PRMT9: variants seen among roughly 807,000 people sequenced by gnomAD.
PRMT9 encodes protein arginine methyltransferase 9, also known as protein arginine N-methyltransferase 9.
In PRMT9, 59 loss-of-function variants were observed where a neutral mutation model predicts 83.2. The observed-to-expected ratio is 0.71, with a 90% CI of 0.57 to 0.88. The LOEUF (loss-of-function observed/expected upper bound fraction) is 0.88. Ranked by LOEUF, PRMT9 falls within the 40% of genes least tolerant of loss-of-function variation. PRMT9 has a pLI of 0.00. For missense variants in PRMT9, 947 were observed against 1,021.9 expected (o/e 0.93, Z 1.00); for synonymous variants, 333 against 353.2 (o/e 0.94, Z 0.64).
chr4:147,671,451 G>T (rs941971925), intron 4 of PRMT9, among the ~76,000 whole-genome samples: 21 of 152,120 alleles, frequency 1.4e-4, no homozygotes, highest in African/African-American at 4.3e-4. Context: ...TCCCTTCTCT[G>T]AACTCCTTCA....
At position 147,653,954 on chromosome 4, in the gene PRMT9, T is replaced by G. The variant is rs1734298425; in HGVS notation, c.1943A>C (p.Gln648Pro). The part of the protein sequence containing the change: ...RHVEDESAML[Q>P]RPKSDKLWSI... ...CCATAACTTGTCTGATTTTGGCCTTTGTAACATAGCAGATTCATCCTCCAC... is the reference window on the plus strand; with the variant it reads ...CCATAACTTGTCTGATTTTGGCCTTGGTAACATAGCAGATTCATCCTCCAC... The change falls in exon 9 of 12, where the codon CAA becomes CCA. Residue 648 changes from glutamine to proline, a missense_variant. Transcript: ENST00000322396. 6.2e-7 allele frequency: 1 copy of G among 1,614,248 alleles called. No individual in the cohort carries two copies. Among genetic ancestry groups the G allele is most frequent in the Non-Finnish European group, 8.5e-7 (1 of 1,180,038 alleles).
intron 1 of PRMT9, among the ~76,000 whole-genome samples, chr4:147,681,924 C>G (rs985078251): frequency 9.9e-5 from 15 of 152,168 alleles, no homozygotes; most frequent in Admixed American, 9.8e-4. Flanking sequence ...TACAAACAAA[C>G]ACAGACTTTG....
At chr4:147,639,363 T>C (rs1253563811) in intron 10 of PRMT9, 1 of 364,496 alleles carries the variant, frequency 2.7e-6, no homozygotes, top group African/African-American at 2.1e-5. Context: ...AGATCTTTCA[T>C]TTGGATGAGA....
intron 4 of PRMT9, 33 bp downstream of exon 4, chr4:147,672,926 T>C (rs1305471064): frequency 1.3e-6 from 2 of 1,575,444 alleles, no homozygotes; most frequent in East Asian, 4.5e-5. Context: ...AATAGAGAAG[T>C]ATAAACACTA....
At chr4:147,668,683 T>TTTACATAC in intron 5 of PRMT9, 38 bp from the exon 6 acceptor site, 2 of 1,178,280 alleles carry the variant, frequency 1.7e-6, no homozygotes, top group East Asian at 2.3e-5. Flanking sequence ...TTATCACATG[T>TTTACATAC]ATGTAAAAAT....
intron 9 of PRMT9, among the ~76,000 whole-genome samples, chr4:147,644,685 A>C (rs1733622497): frequency 6.6e-6 from 1 of 152,122 alleles, no homozygotes; most frequent in South Asian, 2.1e-4. Flanking sequence ...TCATATTGCT[A>C]GGCCGTGGAA....
In PRMT9 at chr4:147,654,520, A is replaced by G; in HGVS notation, c.1377T>C (p.Cys459=). ...PGDHVMMEVS[C]QDCYLRIQSI... ...TCTGGATTCTTAAGTAACAGTCTTGACAAGATACTTCCATCATCACATGGT... is the reference window on the plus strand; with the variant it reads ...TCTGGATTCTTAAGTAACAGTCTTGGCAAGATACTTCCATCATCACATGGT... Residue 459 remains cysteine, a synonymous_variant, in exon 9 of 12, where the codon TGT becomes TGC. Coordinates refer to ENST00000322396, the MANE Select transcript of PRMT9 (RefSeq NM_138364.4). The G allele has an allele frequency of 6.2e-7, 1 of 1,613,872 alleles. No individual in the cohort carries two copies. The highest frequency in any genetic ancestry group is 8.5e-7 in the Non-Finnish European group (1 of 1,179,920).
chr4:147,678,497 T>A (rs553662877), intron 2 of PRMT9, among the ~76,000 whole-genome samples: 7 of 152,204 alleles, frequency 4.6e-5, no homozygotes, highest in Non-Finnish European at 1.0e-4. Flanking sequence ...AGAGTTAACA[T>A]AGCAGGCCTG....
chr4:147,664,815 A>T (rs772931511), intron 6 of PRMT9, among the ~76,000 whole-genome samples: 1 of 152,002 alleles, frequency 6.6e-6, no homozygotes, highest in South Asian at 2.1e-4. Context: ...AAATTAAATT[A>T]AATTTTTTAA....
chr4:147,653,429 C>T (rs986817685), intron 9 of PRMT9, among the ~76,000 whole-genome samples: 1 of 138,190 alleles, frequency 7.2e-6, no homozygotes, highest in Admixed American at 7.0e-5. Context: ...GCAGCAAGAG[C>T]GAAACTCCGT....
At chr4:147,672,225 A>C (rs1212747441) in intron 4 of PRMT9, among the ~76,000 whole-genome samples, 4 of 152,262 alleles carry the variant, frequency 2.6e-5, no homozygotes, top group Admixed American at 2.6e-4. Context: ...GATAAATACT[A>C]TTATATGTAT....
intron 2 of PRMT9, among the ~76,000 whole-genome samples, chr4:147,674,312 T>C (rs1220334275): frequency 2.6e-5 from 4 of 152,184 alleles, no homozygotes; most frequent in African/African-American, 9.7e-5. Flanking sequence ...TTTATGTCAG[T>C]TGTACTTGTT....
chr4:147,671,347 G>A (rs1270171347), intron 4 of PRMT9, among the ~76,000 whole-genome samples: 1 of 152,062 alleles, frequency 6.6e-6, no homozygotes, highest in Non-Finnish European at 1.5e-5. Flanking sequence ...CCCACTGCCT[G>A]AGTCTTAGAA....
Position 147,654,185 on chromosome 4 carries a change from T to C in PRMT9, c.1712A>G (p.Gln571Arg), listed in dbSNP as rs1308885592. 2 of 1,614,130 alleles carry C rather than the reference T, an allele frequency of 1.2e-6. No individual in the cohort carries two copies. The highest frequency in any genetic ancestry group is 2.2e-5 in the South Asian group (2 of 91,096). ...CQNEMSSGTG[Q>R]SNTVQNILEP... ...AAGGATGTTCTGTACAGTATTACTCTGTCCAGTTCCAGAGCTCATCTCATT... is the reference window on the plus strand; with the variant it reads ...AAGGATGTTCTGTACAGTATTACTCCGTCCAGTTCCAGAGCTCATCTCATT... The change falls in exon 9 of 12, where the codon CAG becomes CGG. Residue 571 changes from glutamine to arginine, a missense_variant. Coordinates refer to ENST00000322396, the MANE Select transcript of PRMT9 (RefSeq NM_138364.4).
intron 5 of PRMT9, among the ~76,000 whole-genome samples, chr4:147,670,248 C>T (rs1241334429): frequency 1.3e-5 from 2 of 152,224 alleles, no homozygotes; most frequent in African/African-American, 4.8e-5. Flanking sequence ...GGCGTGACCT[C>T]AACTCACTGC....
Position 147,654,302 on chromosome 4 carries a change from G to T in PRMT9, c.1595C>A (p.Pro532Gln). Residue 532 changes from proline to glutamine, a missense_variant, in exon 9 of 12, where the codon CCA (proline) becomes CAA (glutamine). By Grantham distance (76) the Pro-to-Gln change is moderately conservative. Transcript: ENST00000322396. ...STEIALLNNI[P>Q]YHEGFKMAMS... Reference sequence around the variant, plus strand: ...TGCCATTTTAAAGCCTTCATGATATGGGATGTTGTTAAGCAAAGCAATTTC... The same window carrying T: ...TGCCATTTTAAAGCCTTCATGATATTGGATGTTGTTAAGCAAAGCAATTTC... 6.2e-7 allele frequency: 1 copy of T among 1,614,092 alleles called. No individual in the cohort carries two copies. Among genetic ancestry groups the T allele is most frequent in the Non-Finnish European group, 8.5e-7 (1 of 1,180,004 alleles).
At position 147,638,504 on chromosome 4, in the gene PRMT9, T is replaced by G; in HGVS notation, c.*28A>C. The stretch of plus-strand genomic sequence containing the variant: ...ATTTTGTACTTGTTGATGCTCTATT[T>G]ACACAGTTTTCATTGGAAAACTGCT... On this transcript the variant is annotated 3_prime_UTR_variant, in exon 12 of 12. Coordinates refer to ENST00000322396, the MANE Select transcript of PRMT9 (RefSeq NM_138364.4). 1.9e-6 allele frequency: 3 copies of G among 1,565,116 alleles called. No individual in the cohort carries two copies. Among genetic ancestry groups the G allele is most frequent in the South Asian group, 1.1e-5 (1 of 90,060 alleles).
At chr4:147,639,195 A>G (rs1733217509) in intron 10 of PRMT9, 113 bp from the exon 11 acceptor site, 2 of 976,302 alleles carry the variant, frequency 2.0e-6, no homozygotes, top group Non-Finnish European at 1.6e-6. Context: ...ACTTGACTCA[A>G]TAGTACTTGA....
At chr4:147,654,701 T>A in intron 8 of PRMT9, 135 bp from the exon 9 acceptor site, 1 of 652,504 alleles carries the variant, frequency 1.5e-6, no homozygotes. Context: ...TCATTTAATA[T>A]ACAAAAAACT....
Sources: gnomAD v4.1 joint callset for allele counts (sites outside exome capture counted in the v4.1 genomes callset) on GRCh38, gnomAD v4.1.1 for gene constraint, MANE v1.5 for transcripts, NCBI Gene and HGNC (gene_info 2026-07-23, HGNC 2026-07-21) for gene names.